KALRN: variants seen among roughly 807,000 people sequenced by gnomAD.
KALRN encodes kalirin.
KALRN carries 70 observed loss-of-function variants against 353.7 expected under a neutral mutation model. The observed-to-expected ratio is 0.20, with a 90% CI of 0.16 to 0.24. KALRN has a LOEUF of 0.24. KALRN is among the 10% of genes least tolerant of loss of function. KALRN has a pLI of 1.00. For synonymous variants in KALRN, 1,391 were observed against 1,434.8 expected, an observed-to-expected ratio of 0.97 and a Z score of 0.69; for missense variants, 2,791 against 3,756.7, an observed-to-expected ratio of 0.74 and a Z score of 6.72.
intron 50 of KALRN, 29 bp downstream of exon 50, chr3:124,678,342 C>A (rs780440623): frequency 1.2e-6 from 2 of 1,611,048 alleles, no homozygotes; most frequent in East Asian, 2.2e-5. Context: ...AGCTGCGTCC[C>A]CACCTGTCAT....
At chr3:124,540,056 C>A (rs935966992) in intron 33 of KALRN, among the ~76,000 whole-genome samples, 1 of 151,910 alleles carries the variant, frequency 6.6e-6, no homozygotes. Context: ...ATTACAGGTG[C>A]CTGCCACCAC....
intron 25 of KALRN, among the ~76,000 whole-genome samples, chr3:124,471,264 TA>T (rs1168160802): frequency 1.5e-5 from 2 of 134,648 alleles, no homozygotes; most frequent in African/African-American, 6.0e-5. Context: ...GTTTTATTAT[TA>T]TTATTATTAT....
Position 124,552,108 on chromosome 3 carries a change from T to C in KALRN, c.4936-10735T>C, listed in dbSNP as rs2070613556. Among the ~76,000 whole-genome samples, 4 of 152,358 alleles carry C rather than the reference T, an allele frequency of 2.6e-5. No individual in the cohort carries two copies. In the South Asian group the frequency reaches 8.3e-4, roughly 32 times the overall value. On this transcript the variant is annotated intron_variant, in intron 33 of 59. Coordinates refer to ENST00000682506, the MANE Select transcript of KALRN (RefSeq NM_001388419.1). The stretch of plus-strand genomic sequence containing the variant: ...AAAGGGCCATACAGATGTTAATTAT[T>C]ATCTTAGTCTGCCTGAGGATGAAAA...
intron 3 of KALRN, among the ~76,000 whole-genome samples, chr3:124,239,983 A>T (rs1042890943): frequency 1.6e-4 from 25 of 152,228 alleles, no homozygotes; most frequent in Admixed American, 2.0e-4. Flanking sequence ...TCCCTAAAAC[A>T]TACCTTTTAA....
chr3:124,580,536 T>C (rs1188727743), intron 34 of KALRN, among the ~76,000 whole-genome samples: 1 of 152,230 alleles, frequency 6.6e-6, no homozygotes, highest in Non-Finnish European at 1.5e-5. Flanking sequence ...GTCTTGAGAA[T>C]ATTAACTTAA....
intron 27 of KALRN, among the ~76,000 whole-genome samples, chr3:124,481,935 C>T (rs114379554): frequency 0.014 from 2,115 of 152,332 alleles, 20 homozygotes; most frequent in Non-Finnish European, 0.022. Context: ...TGAGTATTCT[C>T]ATCTAGACTG....
intron 11 of KALRN, among the ~76,000 whole-genome samples, chr3:124,392,106 G>A (rs2089481559): frequency 6.6e-6 from 1 of 151,792 alleles, no homozygotes; most frequent in Non-Finnish European, 1.5e-5. Flanking sequence ...GTGGAGTGCA[G>A]TGGCACAATC....
At chr3:124,584,585 A>G in intron 34 of KALRN, 2 of 1,358,132 alleles carry the variant, frequency 1.5e-6, no homozygotes, top group East Asian at 2.9e-5. Context: ...TCTCCTGCCC[A>G]CAGCTGGACC....
chr3:124,716,489 A>G (rs1442988524), intron 58 of KALRN, among the ~76,000 whole-genome samples: 1 of 152,124 alleles, frequency 6.6e-6, no homozygotes, highest in Admixed American at 6.6e-5. Flanking sequence ...ATGCCACTAC[A>G]CTCCAGCCTG....
intron 1 of KALRN, among the ~76,000 whole-genome samples, chr3:124,219,030 G>A (rs545071520): frequency 6.6e-6 from 1 of 152,330 alleles, no homozygotes; most frequent in African/African-American, 2.4e-5. Context: ...AGATGAACAT[G>A]AAGGTAGAAA....
chr3:124,175,663 G>T (rs185809349), intron 1 of KALRN, among the ~76,000 whole-genome samples: 1 of 150,306 alleles, frequency 6.7e-6, no homozygotes, highest in Non-Finnish European at 1.5e-5. Context: ...GTCCAGGTCT[G>T]TTCTCCAGGA....
intron 1 of KALRN, among the ~76,000 whole-genome samples, chr3:124,066,052 A>G (rs1224779985): frequency 6.6e-6 from 1 of 152,002 alleles, no homozygotes; most frequent in Non-Finnish European, 1.5e-5. Flanking sequence ...TTTCCCTGGG[A>G]GGGTGGCCTG....
chr3:124,365,869 A>G (rs2084620562), intron 10 of KALRN, among the ~76,000 whole-genome samples: 1 of 152,224 alleles, frequency 6.6e-6, no homozygotes, highest in African/African-American at 2.4e-5. Context: ...GTGCCACTTC[A>G]GACATAGGCT....
At chr3:124,255,444 G>A (rs963171974) in intron 3 of KALRN, among the ~76,000 whole-genome samples, 3 of 152,030 alleles carry the variant, frequency 2.0e-5, no homozygotes, top group Non-Finnish European at 2.9e-5. Flanking sequence ...TATATACCTG[G>A]TGCCTGGTAC....
chr3:124,268,679 C>T, intron 4 of KALRN, 64 bp from the exon 5 acceptor site: 1 of 1,528,908 alleles, frequency 6.5e-7, no homozygotes, highest in Non-Finnish European at 9.0e-7. Flanking sequence ...TTCCCTCATC[C>T]TATTTCTGCC....
chr3:124,219,775 C>T (rs1292206367), intron 1 of KALRN, among the ~76,000 whole-genome samples: 1 of 152,016 alleles, frequency 6.6e-6, no homozygotes, highest in African/African-American at 2.4e-5. Context: ...GGGGGGTTGG[C>T]CCCACTGCGC....
intron 1 of KALRN, among the ~76,000 whole-genome samples, chr3:124,065,209 C>T (rs759714656): frequency 6.3e-4 from 96 of 152,134 alleles, no homozygotes; most frequent in Non-Finnish European, 2.4e-4. Flanking sequence ...CATATAGCAT[C>T]GTGATGATAG....
chr3:124,034,042 A>G (rs1443309173), intron 1 of KALRN, among the ~76,000 whole-genome samples: 2 of 152,018 alleles, frequency 1.3e-5, no homozygotes, highest in Non-Finnish European at 2.9e-5. Context: ...CCTTCACCCC[A>G]GTTGCGGGAG....
chr3:124,403,021 A>G (rs2091063881), intron 13 of KALRN, among the ~76,000 whole-genome samples: 2 of 152,226 alleles, frequency 1.3e-5, no homozygotes, highest in East Asian at 3.8e-4. Context: ...TAGATAGTAG[A>G]TAAATCTATT....
Sources: allele counts gnomAD v4.1 joint callset (sites outside exome capture counted in the v4.1 genomes callset), GRCh38; gene constraint gnomAD v4.1.1; transcripts MANE v1.5; gene names NCBI Gene and HGNC (gene_info 2026-07-23, HGNC 2026-07-21).